The following PPP1R9A variants were observed in gnomAD, a reference collection of about 807,000 sequenced individuals.
The protein encoded by PPP1R9A is protein phosphatase 1 regulatory subunit 9A, also known as neurabin-1.
PPP1R9A carries 59 observed loss-of-function variants against 141.9 expected under a neutral mutation model. The observed-to-expected ratio is 0.42, with a 90% confidence interval of 0.34 to 0.52. PPP1R9A has a LOEUF of 0.52. Ranked by LOEUF, PPP1R9A falls within the 20% of genes least tolerant of loss-of-function variation. PPP1R9A has a pLI of 0.10. For synonymous variants in PPP1R9A, 500 were observed against 569.7 expected (o/e 0.88, Z 1.74); for missense variants, 1,444 against 1,611.9 (o/e 0.90, Z 1.78).
intron 5 of PPP1R9A, among the ~76,000 whole-genome samples, chr7:95,195,999 G>A (rs1327335413): frequency 2.6e-5 from 4 of 152,088 alleles, no homozygotes; most frequent in African/African-American, 7.2e-5. Context: ...ACAATGAGCT[G>A]TGATCATGCC....
At chr7:95,102,826 A>G (rs1818965940) in intron 2 of PPP1R9A, among the ~76,000 whole-genome samples, 1 of 152,232 alleles carries the variant, frequency 6.6e-6, no homozygotes, top group South Asian at 2.1e-4. Context: ...TTTTGCAGCC[A>G]GAGAATATCC....
chr7:95,272,345 T>G (rs1325737392), intron 14 of PPP1R9A, among the ~76,000 whole-genome samples: 2 of 152,224 alleles, frequency 1.3e-5, no homozygotes, highest in Non-Finnish European at 2.9e-5. Context: ...ATCTTGCTTT[T>G]AAAAATAAAA....
At chr7:94,919,601 AC>A (rs1216990080) in intron 2 of PPP1R9A, among the ~76,000 whole-genome samples, 1 of 151,732 alleles carries the variant, frequency 6.6e-6, no homozygotes, top group East Asian at 1.9e-4. Flanking sequence ...TTATTCTTTT[AC>A]TTTGATTGGA....
At chr7:95,133,626 A>G (rs1332161241) in intron 4 of PPP1R9A, among the ~76,000 whole-genome samples, 1 of 151,142 alleles carries the variant, frequency 6.6e-6, no homozygotes, top group Non-Finnish European at 1.5e-5. Flanking sequence ...ATTATTGTTC[A>G]TCATTCTTTG....
intron 2 of PPP1R9A, among the ~76,000 whole-genome samples, chr7:94,982,293 A>G (rs1047975680): frequency 6.6e-6 from 1 of 152,152 alleles, no homozygotes; most frequent in African/African-American, 2.4e-5. Context: ...ATAGGTGTGC[A>G]TGTGTCTTTA....
intron 4 of PPP1R9A, among the ~76,000 whole-genome samples, chr7:95,134,924 T>TA (rs1389891104): frequency 6.6e-6 from 1 of 152,200 alleles, no homozygotes; most frequent in Non-Finnish European, 1.5e-5. Context: ...TTACTTTTTT[T>TA]AAAAAACAGT....
intron 2 of PPP1R9A, among the ~76,000 whole-genome samples, chr7:94,977,780 T>G (rs920041996): frequency 1.3e-5 from 2 of 150,372 alleles, no homozygotes; most frequent in African/African-American, 4.9e-5. Context: ...TTTTTTTTTT[T>G]GAAATGGAAT....
At position 95,290,423 on chromosome 7, in the gene PPP1R9A, G is replaced by A. The variant is rs981548646; in HGVS notation, c.*120G>A. The A allele has an allele frequency of 2.8e-5, 32 of 1,150,948 alleles. No homozygotes were observed. The highest frequency in any genetic ancestry group is 2.5e-4 in the South Asian group (15 of 59,482). 71.3% of individuals were successfully genotyped at this position (1,150,948 alleles called of 1,614,324 possible). ...GATAAGGGTAATGCGGCTCTAGGCC[G>A]GCTGAGGAACTGTGTGTTGAATAAC... On this transcript the variant is annotated 3_prime_UTR_variant, in exon 20 of 20. Transcript: ENST00000433360.
intron 2 of PPP1R9A, among the ~76,000 whole-genome samples, chr7:95,099,043 C>G (rs1818414222): frequency 6.6e-6 from 1 of 152,184 alleles, no homozygotes; most frequent in Admixed American, 6.5e-5. Flanking sequence ...TTGGTCCTCT[C>G]CATCTGTTTT....
At chr7:95,031,715 C>T (rs1190721205) in intron 2 of PPP1R9A, among the ~76,000 whole-genome samples, 1 of 150,048 alleles carries the variant, frequency 6.7e-6, no homozygotes, top group Non-Finnish European at 1.5e-5. Flanking sequence ...AAGATTGCAT[C>T]ACTGCACTGC....
chr7:95,113,272 G>T (rs1394368508), intron 3 of PPP1R9A, among the ~76,000 whole-genome samples: 1 of 151,638 alleles, frequency 6.6e-6, no homozygotes. Flanking sequence ...GAAAAATCAT[G>T]AAAGAGTCCC....
intron 2 of PPP1R9A, among the ~76,000 whole-genome samples, chr7:94,940,644 A>G (rs11981086): frequency 0.014 from 2,058 of 152,136 alleles, 53 homozygotes; most frequent in African/African-American, 0.048. Flanking sequence ...AAGTCTCTTC[A>G]GAATCCCTCT....
rs528617854 is a variant in PPP1R9A at position 95,061,478 on chromosome 7, A to G, written c.1396-49781A>G. Reference sequence around the variant, plus strand: ...GCGCTGGACGCGGTGGCTCATGCCTATTACCCCAGCACTTCAGGAGGCCAA... The same window carrying G: ...GCGCTGGACGCGGTGGCTCATGCCTGTTACCCCAGCACTTCAGGAGGCCAA... On this transcript the variant is annotated intron_variant, in intron 2 of 19. Coordinates refer to ENST00000433360, the MANE Select transcript of PPP1R9A (RefSeq NM_001166160.2). 2.3e-4 allele frequency among the ~76,000 whole-genome samples: 35 copies of G among 152,296 alleles called. No homozygotes were observed. The East Asian group carries it at 6.0e-3, about 26-fold the overall frequency.
chr7:95,077,424 T>C (rs992594042), intron 2 of PPP1R9A, among the ~76,000 whole-genome samples: 4 of 152,228 alleles, frequency 2.6e-5, no homozygotes, highest in Admixed American at 6.5e-5. Context: ...TCTTTTTGAC[T>C]TTTGTTATTT....
chr7:95,047,041 T>A (rs1358513854), intron 2 of PPP1R9A, among the ~76,000 whole-genome samples: 2 of 152,188 alleles, frequency 1.3e-5, no homozygotes, highest in African/African-American at 4.8e-5. Flanking sequence ...ATTTCAACAA[T>A]GGAGTAATTC....
In PPP1R9A at chr7:95,284,333, A is replaced by T; in HGVS notation, c.3609+3A>T. The T allele has an allele frequency of 6.9e-7, 1 of 1,459,156 alleles. No individual in the cohort carries two copies. The highest frequency in any genetic ancestry group is 9.3e-7 in the Non-Finnish European group (1 of 1,079,560). The allele number at this position is 1,459,156 out of a possible 1,614,324, so 90.4% of individuals were successfully genotyped here. A position where few individuals can be genotyped will look rare whatever the true frequency, so the allele number is the denominator to read the frequency against. On this transcript the variant is annotated splice_donor_region_variant and intron_variant, in intron 17 of 19. Transcript: ENST00000433360. Reference sequence around the variant, plus strand: ...TAGTCTGGATCCAAGAAACCAATGTAATAACACTGCAATAAACAATGCATG... The same window carrying T: ...TAGTCTGGATCCAAGAAACCAATGTTATAACACTGCAATAAACAATGCATG...
intron 5 of PPP1R9A, among the ~76,000 whole-genome samples, chr7:95,195,280 G>GTTT (rs375295273): frequency 4.9e-5 from 7 of 141,830 alleles, no homozygotes; most frequent in Admixed American, 7.2e-5. Flanking sequence ...AAAGCCATCA[G>GTTT]TTTTTTTTTT....
intron 2 of PPP1R9A, among the ~76,000 whole-genome samples, chr7:94,966,051 A>G (rs1798176292): frequency 6.6e-6 from 1 of 152,150 alleles, no homozygotes; most frequent in South Asian, 2.1e-4. Flanking sequence ...TTTAAGTTGT[A>G]TTCGTAGGTA....
intron 2 of PPP1R9A, among the ~76,000 whole-genome samples, chr7:95,011,817 G>T (rs1451815841): frequency 6.6e-6 from 1 of 152,140 alleles, no homozygotes; most frequent in Non-Finnish European, 1.5e-5. Context: ...AAGTTGAAAG[G>T]AATAGCTAAT....
Sources: gnomAD v4.1 joint callset for allele counts (sites outside exome capture counted in the v4.1 genomes callset) on GRCh38, gnomAD v4.1.1 for gene constraint, MANE v1.5 for transcripts, NCBI Gene and HGNC (gene_info 2026-07-23, HGNC 2026-07-21) for gene names.